Variants in PIK3C2B observed in about 807,000 individuals in gnomAD.
PIK3C2B encodes phosphatidylinositol 4-phosphate 3-kinase C2 domain-containing subunit beta.
A neutral mutation model predicts 184.3 loss-of-function variants in PIK3C2B; 83 were observed. That is an observed-to-expected ratio of 0.45 (90% confidence interval 0.38 to 0.54). The LOEUF is 0.54. PIK3C2B is among the 20% of genes least tolerant of loss of function. PIK3C2B has a pLI of 0.00. For synonymous variants in PIK3C2B, 779 were observed against 837.6 expected (o/e 0.93, Z 1.21); for missense variants, 1,736 against 2,113.5 (o/e 0.82, Z 3.50).
intron 12 of PIK3C2B, among the ~76,000 whole-genome samples, chr1:204,453,012 G>T (rs571148746): frequency 6.6e-6 from 1 of 151,976 alleles, no homozygotes; most frequent in Admixed American, 6.6e-5. Context: ...GCATGAGAAA[G>T]GGTCCATTTT....
intron 7 of PIK3C2B, 135 bp from the exon 8 acceptor site, chr1:204,460,076 G>A (rs2103503354): frequency 1.4e-6 from 1 of 730,968 alleles, no homozygotes; most frequent in Non-Finnish European, 2.4e-6. Flanking sequence ...TATATGTCCT[G>A]TGAAGACATA....
In PIK3C2B at chr1:204,469,066, G is replaced by A. The variant is rs768032887; in HGVS notation, c.737C>T (p.Ala246Val). 3.0e-5 allele frequency: 48 copies of A among 1,614,150 alleles called. No homozygotes were observed. The African/African-American group carries it at 3.7e-4, about 13-fold the overall frequency. Residue 246 changes from alanine (A) to valine (V), a missense_variant, in exon 2 of 33, where the codon GCG becomes GTG. Physicochemically the swap from Ala to Val is moderately conservative, Grantham distance 64. Transcript: ENST00000684373. ...TRLNLKSTYD[A>V]EMLRDATRGW... Reference sequence around the variant, plus strand: ...CCTGGTGGCATCCCGCAACATCTCCGCATCATAGGTCGATTTCAAGTTGAG... The same window carrying A: ...CCTGGTGGCATCCCGCAACATCTCCACATCATAGGTCGATTTCAAGTTGAG...
intron 1 of PIK3C2B, among the ~76,000 whole-genome samples, chr1:204,482,145 C>T (rs1200327519): frequency 6.7e-5 from 10 of 149,126 alleles, no homozygotes; most frequent in African/African-American, 2.6e-4. Context: ...AATGTTAGGC[C>T]CCATAGCTCC....
At chr1:204,455,107 C>T (rs938582923) in intron 11 of PIK3C2B, among the ~76,000 whole-genome samples, 1 of 152,186 alleles carries the variant, frequency 6.6e-6, no homozygotes, top group Non-Finnish European at 1.5e-5. Flanking sequence ...TGTGTGCGTG[C>T]GTGTGTGCGC....
intron 1 of PIK3C2B, among the ~76,000 whole-genome samples, chr1:204,482,190 G>A (rs1458921030): frequency 1.3e-5 from 2 of 151,052 alleles, no homozygotes; most frequent in African/African-American, 4.9e-5. Flanking sequence ...CTGAGTGTAG[G>A]AACCTCTTGC....
At chr1:204,475,172 G>C (rs1021767312) in intron 1 of PIK3C2B, among the ~76,000 whole-genome samples, 2 of 151,912 alleles carry the variant, frequency 1.3e-5, no homozygotes, top group African/African-American at 4.8e-5. Context: ...TGATCACCTC[G>C]CTTCCTGCCT....
chr1:204,424,524 CAA>C lies in PIK3C2B; in HGVS notation c.*326_*327del. 3.2e-6 allele frequency: 1 copy of C among 315,124 alleles called. No homozygotes were observed. The allele number at this position is 315,124 out of a possible 1,614,324, so 19.5% of individuals were successfully genotyped here. A position where few individuals can be genotyped will look rare whatever the true frequency, so the allele number is the denominator to read the frequency against. On this transcript the variant is annotated 3_prime_UTR_variant, in exon 33 of 33. Coordinates refer to ENST00000684373, the MANE Select transcript of PIK3C2B (RefSeq NM_001377334.1). ...ATTAAGATATCCACCCACCCACCCC[CAA>C]AATGCTACTTCATACAGCCCACCCC...
intron 2 of PIK3C2B, chr1:204,467,276 C>T (rs1264650479): frequency 4.6e-6 from 1 of 218,826 alleles, no homozygotes; most frequent in Non-Finnish European, 9.3e-6. Flanking sequence ...ATCTCCCAGT[C>T]CCTATAAATA....
chr1:204,458,101 G>A (rs575532882), intron 8 of PIK3C2B, among the ~76,000 whole-genome samples: 7 of 152,294 alleles, frequency 4.6e-5, no homozygotes, highest in East Asian at 1.9e-4. Context: ...TCTTTCAGCC[G>A]TTCCCCTTGA....
rs771957190 is a variant in PIK3C2B at position 204,469,038 on chromosome 1, G to T, written c.765C>A (p.Gly255=). 6.2e-7 allele frequency: 1 copy of T among 1,614,182 alleles called. No individual in the cohort carries two copies. Among genetic ancestry groups the T allele is most frequent in the Non-Finnish European group, 8.5e-7 (1 of 1,180,030 alleles). ...CCAGCGGCCCTCGGCCCTCCTTCCAGCCCCTGGTGGCATCCCGCAACATCT... is the reference window on the plus strand; with the variant it reads ...CCAGCGGCCCTCGGCCCTCCTTCCATCCCCTGGTGGCATCCCGCAACATCT... The part of the protein sequence containing the change: ...DAEMLRDATR[G]WKEGRGPLDF... Residue 255 remains glycine (G), a synonymous_variant, in exon 2 of 33, where the codon GGC becomes GGA. Coordinates refer to ENST00000684373, the MANE Select transcript of PIK3C2B (RefSeq NM_001377334.1).
At chr1:204,465,197 C>CCT (rs58247897) in intron 3 of PIK3C2B, 22 bp downstream of exon 3, 234,547 of 1,294,470 alleles carry the variant, frequency 0.18, 31,518 homozygotes, top group East Asian at 0.58. Flanking sequence ...TCCCAAATCC[C>CCT]ACCCCATTCT....
intron 12 of PIK3C2B, among the ~76,000 whole-genome samples, chr1:204,454,101 T>C (rs1269171224): frequency 6.6e-6 from 1 of 152,058 alleles, no homozygotes; most frequent in Non-Finnish European, 1.5e-5. Flanking sequence ...ATGTTTTTTA[T>C]GGTTTACAAA....
chr1:204,454,795 T>C lies in PIK3C2B; in HGVS notation c.1944-4A>G. Reference sequence around the variant, plus strand: ...GGAGAGGTAGAAATCTTCATAGCTATAAAAGAAAGGGAGCAGGTCAGGACA... The same window carrying C: ...GGAGAGGTAGAAATCTTCATAGCTACAAAAGAAAGGGAGCAGGTCAGGACA... On this transcript the variant is annotated splice_polypyrimidine_tract_variant and splice_region_variant and intron_variant, in intron 11 of 32. Transcript: ENST00000684373. The C allele has an allele frequency of 6.2e-7, 1 of 1,610,276 alleles. No homozygotes were observed. The highest frequency in any genetic ancestry group is 8.5e-7 in the Non-Finnish European group (1 of 1,179,746).
chr1:204,473,072 T>C (rs2103520608), intron 1 of PIK3C2B, among the ~76,000 whole-genome samples: 1 of 152,350 alleles, frequency 6.6e-6, no homozygotes, highest in Admixed American at 6.5e-5. Flanking sequence ...AACATGAAAT[T>C]ACACCTCATG....
Position 204,469,376 on chromosome 1 carries a change from C to T in PIK3C2B, c.427G>A (p.Gly143Arg), listed in dbSNP as rs201270348. 2.6e-6 allele frequency: 4 copies of T among 1,531,440 alleles called. No homozygotes were observed. The highest frequency in any genetic ancestry group is 4.4e-5 in the Admixed American group (2 of 45,886). The allele number at this position is 1,531,440 out of a possible 1,614,324, so 94.9% of individuals were successfully genotyped here. A position where few individuals can be genotyped will look rare whatever the true frequency, so the allele number is the denominator to read the frequency against. Residue 143 changes from glycine to arginine, a missense_variant, in exon 2 of 33, where the codon GGA becomes AGA. Gly to Arg is a moderately radical substitution (Grantham distance 125). Transcript: ENST00000684373. ...GSDGGVSSSP[G>R]PGDIEGSCKK... The stretch of plus-strand genomic sequence containing the variant: ...CAAGAGCCCTCTATGTCCCCTGGTC[C>T]TGGGGACGAAGAGACTCCCCCATCT...
intron 8 of PIK3C2B, 105 bp downstream of exon 8, chr1:204,459,773 G>T: frequency 1.1e-6 from 1 of 935,108 alleles, no homozygotes; most frequent in Non-Finnish European, 1.7e-6. Context: ...CAGATTTTCA[G>T]GCTCCACCCA....
In PIK3C2B at chr1:204,469,567, T is replaced by C. The variant is rs1019990683; in HGVS notation, c.236A>G (p.Lys79Arg). 2.0e-5 allele frequency: 32 copies of C among 1,593,248 alleles called. No homozygotes were observed. The highest frequency in any genetic ancestry group is 2.5e-5 in the Non-Finnish European group (29 of 1,168,842). ...SKPAGRRTDLKLLRGLSGSDP... is the reference protein window; with the variant it reads ...SKPAGRRTDLRLLRGLSGSDP... ...AGAGCCAGAGAGACCGCGTAACAGCTTGAGGTCGGTCCGCCTTCCTGCTGG... is the reference window on the plus strand; with the variant it reads ...AGAGCCAGAGAGACCGCGTAACAGCCTGAGGTCGGTCCGCCTTCCTGCTGG... The change falls in exon 2 of 33, where the codon AAG becomes AGG. Residue 79 changes from lysine (K) to arginine (R), a missense_variant. By Grantham distance (26) the Lys-to-Arg change is conservative. This residue lies in a region of PIK3C2B where 404 missense variants were observed against 418.0 expected (regional missense o/e 0.97). Coordinates refer to ENST00000684373, the MANE Select transcript of PIK3C2B (RefSeq NM_001377334.1).
At chr1:204,445,768 G>A (rs1653802226) in intron 16 of PIK3C2B, among the ~76,000 whole-genome samples, 188 bp downstream of exon 16, 1 of 152,072 alleles carries the variant, frequency 6.6e-6, no homozygotes, top group Admixed American at 6.5e-5. Flanking sequence ...TTGTATGTTT[G>A]AAAAATGACA....
intron 8 of PIK3C2B, among the ~76,000 whole-genome samples, chr1:204,458,284 C>T (rs533417215): frequency 1.1e-4 from 17 of 152,262 alleles, no homozygotes; most frequent in Admixed American, 2.6e-4. Flanking sequence ...ATTCCCTCAC[C>T]TGTCCAGCTC....
Sources: allele counts gnomAD v4.1 joint callset (sites outside exome capture counted in the v4.1 genomes callset), GRCh38; gene constraint gnomAD v4.1.1; regional missense constraint gnomAD v4.1.1; transcripts MANE v1.5; gene names NCBI Gene and HGNC (gene_info 2026-07-23, HGNC 2026-07-21).